CCSER1: variants seen among roughly 807,000 people sequenced by gnomAD.
CCSER1 encodes the protein coiled-coil serine rich protein 1, also known as serine-rich coiled-coil domain-containing protein 1.
In CCSER1, 41 loss-of-function variants were observed where a neutral mutation model predicts 82.0. The observed-to-expected ratio is 0.50, with a 90% CI of 0.39 to 0.65. The LOEUF is 0.65. Ranked by LOEUF, CCSER1 falls within the 30% of genes least tolerant of loss-of-function variation. The pLI, the probability that CCSER1 is intolerant of heterozygous loss-of-function variation, is 0.00. For missense variants in CCSER1, 1,119 were observed against 1,064.2 expected (o/e 1.05, Z -0.72); for synonymous variants, 414 against 383.9 (o/e 1.08, Z -0.92).
intron 10 of CCSER1, among the ~76,000 whole-genome samples, chr4:91,274,482 C>T (rs1742270261): frequency 6.6e-6 from 1 of 152,202 alleles, no homozygotes; most frequent in Admixed American, 6.5e-5. Flanking sequence ...TCACACCACC[C>T]ACCCACCCAT....
intron 5 of CCSER1, among the ~76,000 whole-genome samples, chr4:90,519,413 A>G (rs1332953172): frequency 1.3e-5 from 2 of 151,942 alleles, no homozygotes; most frequent in African/African-American, 2.4e-5. Flanking sequence ...TTAAAATTTG[A>G]TCTAGCTGAT....
intron 8 of CCSER1, among the ~76,000 whole-genome samples, chr4:90,893,958 ATAT>A (rs1468069118): frequency 2.0e-5 from 3 of 152,038 alleles, no homozygotes; most frequent in African/African-American, 7.2e-5. Flanking sequence ...TAGCTAGATA[ATAT>A]TGTTGTAGAG....
At chr4:90,617,238 T>C (rs1161539424) in intron 5 of CCSER1, among the ~76,000 whole-genome samples, 5 of 152,166 alleles carry the variant, frequency 3.3e-5, no homozygotes. Flanking sequence ...GGAATTATTT[T>C]TTTTTCTGTT....
At chr4:91,067,254 TG>T (rs1163842374) in intron 9 of CCSER1, among the ~76,000 whole-genome samples, 1 of 151,804 alleles carries the variant, frequency 6.6e-6, no homozygotes, top group Non-Finnish European at 1.5e-5. Context: ...AAATAAAGGC[TG>T]GTGGATTGGT....
At chr4:90,817,355 A>T (rs2149772360) in intron 8 of CCSER1, among the ~76,000 whole-genome samples, 1 of 152,232 alleles carries the variant, frequency 6.6e-6, no homozygotes, top group African/African-American at 2.4e-5. Context: ...AGTTATGATC[A>T]GTTTTAAAAC....
chr4:90,409,517 A>G (rs1256115426), intron 4 of CCSER1, among the ~76,000 whole-genome samples: 6 of 152,224 alleles, frequency 3.9e-5, no homozygotes, highest in Non-Finnish European at 8.8e-5. Context: ...AGAATTTAAT[A>G]TCCAGCCAAA....
intron 4 of CCSER1, among the ~76,000 whole-genome samples, chr4:90,423,560 C>T (rs1039318589): frequency 2.0e-5 from 3 of 151,880 alleles, no homozygotes; most frequent in South Asian, 2.1e-4. Context: ...TATTAACCTC[C>T]GCCTCCTGAG....
chr4:91,412,612 C>T (rs1406012303), intron 10 of CCSER1, among the ~76,000 whole-genome samples: 1 of 152,046 alleles, frequency 6.6e-6, no homozygotes, highest in Non-Finnish European at 1.5e-5. Flanking sequence ...GCCCACCAAC[C>T]ATAGACTCTG....
intron 5 of CCSER1, chr4:90,468,767 A>G (rs1208836095): frequency 1.3e-5 from 2 of 152,474 alleles, no homozygotes; most frequent in African/African-American, 4.8e-5. Flanking sequence ...TTATTTTAAA[A>G]TATTTTTACT....
intron 9 of CCSER1, among the ~76,000 whole-genome samples, chr4:90,971,303 GGA>G (rs1486781903): frequency 1.3e-5 from 2 of 151,790 alleles, no homozygotes; most frequent in Non-Finnish European, 2.9e-5. Flanking sequence ...TGGCAGAGCA[GGA>G]GAGAGAGAGC....
chr4:90,158,045 G>T (rs1271040597), intron 1 of CCSER1, among the ~76,000 whole-genome samples: 2 of 152,098 alleles, frequency 1.3e-5, no homozygotes, highest in African/African-American at 4.8e-5. Flanking sequence ...TGTACAGATG[G>T]GTTTTTGGTG....
At chr4:91,358,700 T>C (rs1019417762) in intron 10 of CCSER1, among the ~76,000 whole-genome samples, 3 of 152,164 alleles carry the variant, frequency 2.0e-5, no homozygotes, top group Non-Finnish European at 4.4e-5. Context: ...AAGTTTCAGA[T>C]GTCCGGACTC....
intron 10 of CCSER1, among the ~76,000 whole-genome samples, chr4:91,139,786 C>T (rs1373540806): frequency 2.6e-5 from 4 of 152,016 alleles, no homozygotes; most frequent in Admixed American, 2.6e-4. Context: ...ACAAAAAGAA[C>T]AGTGTTTAAA....
At chr4:90,461,421 G>A (rs1473660871) in intron 4 of CCSER1, among the ~76,000 whole-genome samples, 2 of 151,964 alleles carry the variant, frequency 1.3e-5, no homozygotes, top group Non-Finnish European at 2.9e-5. Flanking sequence ...TTTAATGATC[G>A]GTATCAATTC....
At chr4:90,974,880 T>C (rs929907840) in intron 9 of CCSER1, among the ~76,000 whole-genome samples, 5 of 151,346 alleles carry the variant, frequency 3.3e-5, no homozygotes, top group African/African-American at 1.2e-4. Flanking sequence ...ATACCCAATA[T>C]ATAAAAACTT....
intron 10 of CCSER1, among the ~76,000 whole-genome samples, chr4:91,279,913 T>A (rs981630261): frequency 6.6e-6 from 1 of 152,230 alleles, no homozygotes; most frequent in Non-Finnish European, 1.5e-5. Context: ...AGGACTTTTT[T>A]CCTGAAGATG....
At chr4:91,181,228 G>T (rs749671313) in intron 10 of CCSER1, among the ~76,000 whole-genome samples, 1 of 152,324 alleles carries the variant, frequency 6.6e-6, no homozygotes, top group Admixed American at 6.5e-5. Context: ...ATTGATAAAT[G>T]CAAAGGCAAC....
chr4:91,599,170 G>T lies in CCSER1; in HGVS notation c.*113G>T. The T allele has an allele frequency of 7.8e-7, 1 of 1,288,140 alleles. No individual in the cohort carries two copies. The highest frequency in any genetic ancestry group is 1.0e-6 in the Non-Finnish European group (1 of 968,726). The allele number at this position is 1,288,140 out of a possible 1,614,324, so 79.8% of individuals were successfully genotyped here. ...TTCTTACATTTTAGTTATAAACAGA[G>T]TTGTGTTGTTGGGTTTTTTTTCTTA... On this transcript the variant is annotated 3_prime_UTR_variant, in exon 11 of 11. Coordinates refer to ENST00000509176, the MANE Select transcript of CCSER1 (RefSeq NM_001145065.2).
At chr4:90,764,638 T>A (rs1750924652) in intron 7 of CCSER1, among the ~76,000 whole-genome samples, 1 of 152,102 alleles carries the variant, frequency 6.6e-6, no homozygotes, top group African/African-American at 2.4e-5. Context: ...AATATATGAA[T>A]CTTAAAATAT....
Sources: allele counts gnomAD v4.1 joint callset (sites outside exome capture counted in the v4.1 genomes callset), GRCh38; gene constraint gnomAD v4.1.1; transcripts MANE v1.5; gene names NCBI Gene and HGNC (gene_info 2026-07-23, HGNC 2026-07-21).